Variants in DOCK4 observed in about 807,000 individuals in gnomAD.
DOCK4 encodes dedicator of cytokinesis protein 4.
A neutral mutation model predicts 268.1 loss-of-function variants in DOCK4; 97 were observed. That is an observed-to-expected ratio of 0.36 (90% confidence interval 0.31 to 0.43). The LOEUF is 0.43. Among genes scored for constraint, DOCK4 ranks in the 20% least tolerant of loss-of-function variants. DOCK4 has a pLI of 1.00. For missense variants in DOCK4, 2,145 were observed against 2,455.7 expected, an observed-to-expected ratio of 0.87 and a Z score of 2.67; for synonymous variants, 954 against 887.2, an observed-to-expected ratio of 1.08 and a Z score of -1.34.
intron 38 of DOCK4, 68 bp downstream of exon 38, chr7:111,766,964 G>T: frequency 8.0e-7 from 1 of 1,249,390 alleles, no homozygotes; most frequent in Non-Finnish European, 1.2e-6. Context: ...TAATTTCATA[G>T]AACCACACTG....
At position 112,072,883 on chromosome 7, in the gene DOCK4, T is replaced by G. The variant is rs115988760; in HGVS notation, c.38-68752A>C. 7.4e-3 allele frequency among the ~76,000 whole-genome samples: 1,121 copies of G among 152,292 alleles called. 15 individuals are homozygous for G. Among genetic ancestry groups the G allele is most frequent in the African/African-American group, 0.026 (1,063 of 41,556 alleles). The stretch of plus-strand genomic sequence containing the variant: ...GAACTTTATACTGGTAAGGGAAGAA[T>G]GCCTCAAGTGAGCATGAGTACAACT... On this transcript the variant is annotated intron_variant, in intron 1 of 52. Transcript: ENST00000428084.
chr7:112,061,061 CT>C (rs1245655904), intron 1 of DOCK4, among the ~76,000 whole-genome samples: 2 of 151,952 alleles, frequency 1.3e-5, no homozygotes, highest in Non-Finnish European at 2.9e-5. Flanking sequence ...TTTTATATTC[CT>C]TTTTTTCCCA....
chr7:111,728,277 T>C lies in DOCK4; in HGVS notation c.5925A>G (p.Leu1975=). Residue 1975 remains leucine (L), a synonymous_variant, in exon 53 of 53, where the codon TTA becomes TTG. Coordinates refer to ENST00000428084, the MANE Select transcript of DOCK4 (RefSeq NM_001363540.2). ...CGCAGGTACATAGAAAAGTGACTTA[T>C]AACTGAGAGACCTTGCGGGGCAGGG... ...PRPLPRKVSQ[L] is the part of the protein sequence containing the mutation. 3 of 1,488,924 alleles carry C rather than the reference T, an allele frequency of 2.0e-6. No individual in the cohort carries two copies. The highest frequency in any genetic ancestry group is 1.4e-5 in the African/African-American group (1 of 70,886). 92.2% of individuals were successfully genotyped at this position (1,488,924 alleles called of 1,614,324 possible).
intron 10 of DOCK4, among the ~76,000 whole-genome samples, chr7:111,944,213 G>A (rs1356551996): frequency 6.6e-6 from 1 of 152,182 alleles, no homozygotes; most frequent in Non-Finnish European, 1.5e-5. Flanking sequence ...CATTATATAA[G>A]TGTTTTCATA....
At chr7:112,177,102 G>T (rs746889018) in intron 1 of DOCK4, among the ~76,000 whole-genome samples, 1 of 152,220 alleles carries the variant, frequency 6.6e-6, no homozygotes, top group African/African-American at 2.4e-5. Flanking sequence ...AGAACAAGTA[G>T]TTGGGGAGAG....
At chr7:112,161,861 T>A (rs964692882) in intron 1 of DOCK4, among the ~76,000 whole-genome samples, 2 of 152,176 alleles carry the variant, frequency 1.3e-5, no homozygotes, top group Admixed American at 6.5e-5. Context: ...AAGTAAAGGA[T>A]AACAAAACGC....
At chr7:111,880,751 G>T (rs1807310569) in intron 16 of DOCK4, among the ~76,000 whole-genome samples, 2 of 152,104 alleles carry the variant, frequency 1.3e-5, no homozygotes, top group East Asian at 1.9e-4. Flanking sequence ...ACAGAACAGA[G>T]AACCCAGAAA....
chr7:111,882,801 G>A (rs149990343), intron 16 of DOCK4, among the ~76,000 whole-genome samples: 11 of 152,160 alleles, frequency 7.2e-5, no homozygotes, highest in African/African-American at 2.4e-4. Context: ...TAGTAGAAAC[G>A]GGATTGCTCC....
chr7:112,096,041 A>G (rs1380960737), intron 1 of DOCK4, among the ~76,000 whole-genome samples: 1 of 152,170 alleles, frequency 6.6e-6, no homozygotes, highest in African/African-American at 2.4e-5. Context: ...GTGTGCTGAG[A>G]TTGCACCATT....
At chr7:111,910,912 T>C (rs978139681) in intron 13 of DOCK4, among the ~76,000 whole-genome samples, 3 of 152,208 alleles carry the variant, frequency 2.0e-5, no homozygotes, top group Non-Finnish European at 2.9e-5. Flanking sequence ...AGGTACCTCC[T>C]CACACCAGGA....
intron 8 of DOCK4, among the ~76,000 whole-genome samples, chr7:111,975,851 TC>T (rs1374839365): frequency 2.0e-5 from 3 of 151,972 alleles, no homozygotes; most frequent in African/African-American, 7.2e-5. Flanking sequence ...AAAGAATTAC[TC>T]CAAGATTATT....
chr7:111,864,878 A>C (rs568570754), intron 22 of DOCK4, among the ~76,000 whole-genome samples: 296 of 152,302 alleles, frequency 1.9e-3, no homozygotes, highest in Admixed American at 4.3e-3. Flanking sequence ...GGTATCCCTT[A>C]ATTTATCCAT....
intron 1 of DOCK4, among the ~76,000 whole-genome samples, chr7:112,004,959 G>A (rs1374378991): frequency 6.6e-6 from 1 of 152,166 alleles, no homozygotes; most frequent in African/African-American, 2.4e-5. Flanking sequence ...ATTATAGAGA[G>A]AATAAAGCTC....
intron 1 of DOCK4, among the ~76,000 whole-genome samples, chr7:112,047,201 A>G (rs1335391888): frequency 1.3e-5 from 2 of 152,192 alleles, no homozygotes; most frequent in Non-Finnish European, 2.9e-5. Flanking sequence ...CTCTGCCCCA[A>G]CTAACAAAAC....
At chr7:111,773,349 G>A (rs1445223753) in intron 36 of DOCK4, among the ~76,000 whole-genome samples, 1 of 152,144 alleles carries the variant, frequency 6.6e-6, no homozygotes, top group Non-Finnish European at 1.5e-5. Context: ...GAAAAGAACT[G>A]ATTTCTTATG....
intron 23 of DOCK4, among the ~76,000 whole-genome samples, chr7:111,850,349 C>A (rs145908844): frequency 6.6e-6 from 1 of 151,954 alleles, no homozygotes; most frequent in African/African-American, 2.4e-5. Context: ...TCTACCCACC[C>A]GACTCTGTTC....
intron 1 of DOCK4, among the ~76,000 whole-genome samples, chr7:112,074,656 C>G (rs921355999): frequency 2.6e-5 from 4 of 152,204 alleles, no homozygotes. Flanking sequence ...CCAGGCAACA[C>G]TTCATCTGGG....
chr7:111,757,523 C>A (rs2133567138), intron 41 of DOCK4, among the ~76,000 whole-genome samples: 2 of 152,264 alleles, frequency 1.3e-5, no homozygotes, highest in Middle Eastern at 6.8e-3. Context: ...CCAGAAAAAA[C>A]AAGAACATGA....
chr7:112,010,242 G>T (rs1012604472), intron 1 of DOCK4, among the ~76,000 whole-genome samples: 1 of 151,858 alleles, frequency 6.6e-6, no homozygotes, highest in African/African-American at 2.4e-5. Flanking sequence ...AAAATATGGT[G>T]GAAAAAAACA....
Sources: gnomAD v4.1 joint callset for allele counts (sites outside exome capture counted in the v4.1 genomes callset) on GRCh38, gnomAD v4.1.1 for gene constraint, MANE v1.5 for transcripts, NCBI Gene and HGNC (gene_info 2026-07-23, HGNC 2026-07-21) for gene names.